CEACAM16: variants seen among roughly 807,000 people sequenced by gnomAD.
CEACAM16 encodes cell adhesion molecule CEACAM16.
CEACAM16 carries 30 observed loss-of-function variants against 39.4 expected under a neutral mutation model. The observed-to-expected ratio is 0.76, with a 90% CI of 0.57 to 1.03. The LOEUF is 1.03. Ranked by LOEUF, CEACAM16 falls within the 50% of genes least tolerant of loss-of-function variation. The probability of loss-of-function intolerance (pLI) is 0.00; values close to 1 mark genes in which losing one functional copy is unlikely to be tolerated. For synonymous variants in CEACAM16, 262 were observed against 264.9 expected, an observed-to-expected ratio of 0.99 and a Z score of 0.11; for missense variants, 521 against 585.3, an observed-to-expected ratio of 0.89 and a Z score of 1.13.
Position 44,703,592 on chromosome 19 carries a change from A to T in CEACAM16, c.281A>T (p.Asp94Val), listed in dbSNP as rs778130089. 34 of 1,609,174 alleles carry T rather than the reference A, an allele frequency of 2.1e-5. No homozygotes were observed. Among genetic ancestry groups the T allele is most frequent in the Middle Eastern group, 1.6e-4 (1 of 6,072 alleles). The change falls in exon 3 of 7, where the codon GAC becomes GTC. Residue 94 changes from aspartate to valine, a missense_variant. By Grantham distance (152) the Asp-to-Val change is radical (BLOSUM62 -3). Coordinates refer to ENST00000587331, the MANE Select transcript of CEACAM16 (RefSeq NM_001039213.4). ...GCTGTGCGCCCCGATGGCAGCCTGG[A>T]CATCCAGGGCATCCTGCCCCGGCAC... ...REAVRPDGSL[D>V]IQGILPRHSG...
Position 44,701,562 on chromosome 19 carries a change from G to C in CEACAM16, c.37+69G>C, listed in dbSNP as rs1210112560. The C allele has an allele frequency of 7.0e-7, 1 of 1,421,144 alleles. No individual in the cohort carries two copies. The highest frequency in any genetic ancestry group is 9.7e-7 in the Non-Finnish European group (1 of 1,033,492). 88.0% of individuals were successfully genotyped at this position (1,421,144 alleles called of 1,614,324 possible). A position where few individuals can be genotyped will look rare whatever the true frequency, so the allele number is the denominator to read the frequency against. On this transcript the variant is annotated intron_variant, in intron 2 of 6. Transcript: ENST00000587331. The surrounding 1 kb of genome is among the most constrained non-coding windows in gnomAD (Gnocchi z 4.0). ...CCCCAGGGAGGGGAGGGGACCCCCAGTCTGAGAGAGGGAAGGTGTGAGCAG... is the reference window on the plus strand; with the variant it reads ...CCCCAGGGAGGGGAGGGGACCCCCACTCTGAGAGAGGGAAGGTGTGAGCAG...
At chr19:44,706,269 T>TACACACACACACACACACAC (rs57354088) in intron 5 of CEACAM16, among the ~76,000 whole-genome samples, 3 of 132,616 alleles carry the variant, frequency 2.3e-5, no homozygotes, top group East Asian at 2.2e-4. Context: ...ATGATGGGTA[T>TACACACACACACACACACAC]ACACACACAC....
At chr19:44,709,592 G>A (rs1326440126) in intron 6 of CEACAM16, among the ~76,000 whole-genome samples, 1 of 145,816 alleles carries the variant, frequency 6.9e-6, no homozygotes, top group Non-Finnish European at 1.5e-5. Flanking sequence ...AGCTCCCAGA[G>A]GCATGGTCCA....
chr19:44,702,352 A>T (rs1974360640), intron 2 of CEACAM16, among the ~76,000 whole-genome samples: 1 of 151,826 alleles, frequency 6.6e-6, no homozygotes. Flanking sequence ...ACCGCACTTC[A>T]TAGGGAGAAA....
At position 44,705,919 on chromosome 19, in the gene CEACAM16, A is replaced by G. The variant is rs527597743; in HGVS notation, c.940+51A>G. 5 of 1,564,204 alleles carry G rather than the reference A, an allele frequency of 3.2e-6. No homozygotes were observed. In the African/African-American group the frequency reaches 6.8e-5, roughly 21 times the overall value. On this transcript the variant is annotated intron_variant, in intron 5 of 6. Coordinates refer to ENST00000587331, the MANE Select transcript of CEACAM16 (RefSeq NM_001039213.4). ...CCCCAGTCCCCATGGAGGCCTCATC[A>G]GGCTGCGAAGGTTAAGCCACCATTT...
intron 3 of CEACAM16, 33 bp downstream of exon 3, chr19:44,703,726 A>C: frequency 7.1e-7 from 1 of 1,416,014 alleles, no homozygotes; most frequent in South Asian, 1.5e-5. Flanking sequence ...CCTCTGCCCC[A>C]GCTGGGCCTT....
At chr19:44,707,756 A>T in intron 5 of CEACAM16, 105 bp from the exon 6 acceptor site, 1 of 988,400 alleles carries the variant, frequency 1.0e-6, no homozygotes, top group Non-Finnish European at 1.5e-6. Flanking sequence ...CCAGCACCCT[A>T]CATGGGGAGT....
Position 44,701,422 on chromosome 19 carries a change from C to T in CEACAM16, c.-35C>T, listed in dbSNP as rs182456186. 1.6e-5 allele frequency: 25 copies of T among 1,555,952 alleles called. No individual in the cohort carries two copies. Among genetic ancestry groups the T allele is most frequent in the Non-Finnish European group, 2.0e-5 (23 of 1,149,104 alleles). ...GGGAGTCCGAGCACTGGGACTTCAA[C>T]GCCACCATCTCCAAGACTCGGTTTG... is the stretch of plus-strand genomic sequence containing the variant. On this transcript the variant is annotated 5_prime_UTR_variant, in exon 2 of 7. It adds an upstream start codon to the 5' untranslated region. Coordinates refer to ENST00000587331, the MANE Select transcript of CEACAM16 (RefSeq NM_001039213.4). This position sits in a 1 kb window ranked among gnomAD's most constrained non-coding sequence, Gnocchi z 4.0.
Position 44,703,348 on chromosome 19 carries a change from G to C in CEACAM16, c.38-1G>C. On this transcript the variant is annotated splice_acceptor_variant, in intron 2 of 6. Coordinates refer to ENST00000587331, the MANE Select transcript of CEACAM16 (RefSeq NM_001039213.4). LOFTEE classifies it high-confidence loss of function. The stretch of plus-strand genomic sequence containing the variant: ...CAACCCCTCTGACTCCTCTTCCTCA[G>C]CCACATTCCTGAATGTGGGGGCCGA... 1 of 1,607,342 alleles carries C rather than the reference G, an allele frequency of 6.2e-7. No individual in the cohort carries two copies. Among genetic ancestry groups the C allele is most frequent in the Non-Finnish European group, 8.5e-7 (1 of 1,175,032 alleles).
intron 5 of CEACAM16, among the ~76,000 whole-genome samples, chr19:44,706,308 ACAC>A (rs1363642734): frequency 6.6e-6 from 1 of 150,416 alleles, no homozygotes; most frequent in East Asian, 1.9e-4. Flanking sequence ...ACACACACAC[ACAC>A]AACTGAAGAA....
In CEACAM16 at chr19:44,703,531, G is replaced by A. The variant is rs536837008; in HGVS notation, c.220G>A (p.Asp74Asn). 8.7e-6 allele frequency: 14 copies of A among 1,613,556 alleles called. No individual in the cohort carries two copies. Among genetic ancestry groups the A allele is most frequent in the African/African-American group, 2.7e-5 (2 of 75,060 alleles). ...LVASYIVSTGDETPGPAHTGR... is the reference protein window; with the variant it reads ...LVASYIVSTGNETPGPAHTGR... Reference sequence around the variant, plus strand: ...GGCCAGCTACATCGTGAGCACAGGCGATGAGACTCCTGGCCCGGCCCACAC... The same window carrying A: ...GGCCAGCTACATCGTGAGCACAGGCAATGAGACTCCTGGCCCGGCCCACAC... Residue 74 changes from aspartate (D) to asparagine (N), a missense_variant, in exon 3 of 7, where the codon GAT (aspartate) becomes AAT (asparagine). Physicochemically the swap from Asp to Asn is conservative, Grantham distance 23 (BLOSUM62 1). Transcript: ENST00000587331.
chr19:44,704,814 A>G (rs1974416787), intron 4 of CEACAM16, among the ~76,000 whole-genome samples: 2 of 152,180 alleles, frequency 1.3e-5, no homozygotes, highest in East Asian at 3.9e-4. Flanking sequence ...AAGGACTTCT[A>G]CAGACCACCT....
intron 5 of CEACAM16, among the ~76,000 whole-genome samples, chr19:44,706,972 C>T (rs1018096093): frequency 6.6e-6 from 1 of 152,134 alleles, no homozygotes; most frequent in Non-Finnish European, 1.5e-5. Context: ...AACATGGCTC[C>T]TTTATTCAAG....
Position 44,708,126 on chromosome 19 carries a change from A to C in CEACAM16, c.1206A>C (p.Thr402=). The C allele has an allele frequency of 6.2e-7, 1 of 1,608,454 alleles. No individual in the cohort carries two copies. The highest frequency in any genetic ancestry group is 8.5e-7 in the Non-Finnish European group (1 of 1,177,528). The stretch of plus-strand genomic sequence containing the variant: ...ACCTCACAGACACTGGCCGCTACAC[A>C]CTCAAGACTGTCACAGTGCAGGGCA... ...KLNLTDTGRY[T]LKTVTVQGKT... The change falls in exon 6 of 7, where the codon ACA becomes ACC. Residue 402 remains threonine, a synonymous_variant. Coordinates refer to ENST00000587331, the MANE Select transcript of CEACAM16 (RefSeq NM_001039213.4).
Position 44,703,371 on chromosome 19 carries a change from C to A in CEACAM16, c.60C>A (p.Ala20=), listed in dbSNP as rs560741831. ...LLSATFLNVG[A]EISITLEPAQ... is the part of the protein sequence containing the mutation. ...CAGCCACATTCCTGAATGTGGGGGC[C>A]GAGATCTCTATCACCCTGGAGCCTG... Residue 20 remains alanine (A), a synonymous_variant, in exon 3 of 7, where the codon GCC becomes GCA. Transcript: ENST00000587331. 6 of 1,610,690 alleles carry A rather than the reference C, an allele frequency of 3.7e-6. No homozygotes were observed. The Admixed American group carries it at 6.7e-5, about 18-fold the overall frequency.
chr19:44,701,580 G>A lies in CEACAM16; in HGVS notation c.37+87G>A. On this transcript the variant is annotated intron_variant, in intron 2 of 6. Coordinates refer to ENST00000587331, the MANE Select transcript of CEACAM16 (RefSeq NM_001039213.4). This position sits in a 1 kb window ranked among gnomAD's most constrained non-coding sequence, Gnocchi z 4.0. ...ACCCCCAGTCTGAGAGAGGGAAGGT[G>A]TGAGCAGAAGTCCAGCGTGCTAGGG... 1 of 1,292,740 alleles carries A rather than the reference G, an allele frequency of 7.7e-7. No homozygotes were observed. Among genetic ancestry groups the A allele is most frequent in the South Asian group, 1.3e-5 (1 of 79,076 alleles). 80.1% of individuals were successfully genotyped at this position (1,292,740 alleles called of 1,614,324 possible). A position where few individuals can be genotyped will look rare whatever the true frequency, so the allele number is the denominator to read the frequency against.
chr19:44,707,238 G>A (rs1307616062), intron 5 of CEACAM16, among the ~76,000 whole-genome samples: 3 of 152,134 alleles, frequency 2.0e-5, no homozygotes, highest in African/African-American at 7.2e-5. Flanking sequence ...CCACTTTCTA[G>A]GAATTTCCAG....
Position 44,701,553 on chromosome 19 carries a change from G to A in CEACAM16, c.37+60G>A. ...CCCCGAGGACCCCAGGGAGGGGAGG[G>A]GACCCCCAGTCTGAGAGAGGGAAGG... On this transcript the variant is annotated intron_variant, in intron 2 of 6. Coordinates refer to ENST00000587331, the MANE Select transcript of CEACAM16 (RefSeq NM_001039213.4). The surrounding 1 kb of genome is among the most constrained non-coding windows in gnomAD (Gnocchi z 4.0). 2 of 1,492,726 alleles carry A rather than the reference G, an allele frequency of 1.3e-6. No homozygotes were observed. The highest frequency in any genetic ancestry group is 1.2e-5 in the South Asian group (1 of 82,928). 92.5% of individuals were successfully genotyped at this position (1,492,726 alleles called of 1,614,324 possible).
At chr19:44,703,066 C>T (rs183553801) in intron 2 of CEACAM16, among the ~76,000 whole-genome samples, 26 of 152,322 alleles carry the variant, frequency 1.7e-4, no homozygotes, top group Non-Finnish European at 3.2e-4. Context: ...ATCCTTACAA[C>T]CTTACCAGGC....
Sources: allele counts gnomAD v4.1 joint callset (sites outside exome capture counted in the v4.1 genomes callset), GRCh38; gene constraint gnomAD v4.1.1; non-coding constraint Gnocchi (gnomAD v3.1); transcripts MANE v1.5; gene names NCBI Gene and HGNC (gene_info 2026-07-23, HGNC 2026-07-21).